UBE3C: variants seen among roughly 807,000 people sequenced by gnomAD.
The protein encoded by UBE3C is ubiquitin protein ligase E3C.
UBE3C carries 42 observed loss-of-function variants against 129.4 expected under a neutral mutation model. The ratio of observed to expected loss-of-function variants is 0.32; its 90% confidence interval spans 0.25 to 0.42. The LOEUF is 0.42. Among genes scored for constraint, UBE3C ranks in the 10% least tolerant of loss-of-function variants. UBE3C has a pLI of 1.00. For synonymous variants in UBE3C, 510 were observed against 492.4 expected (o/e 1.04, Z -0.47); for missense variants, 1,049 against 1,319.1 (o/e 0.80, Z 3.17).
intron 15 of UBE3C, 176 bp from the exon 16 acceptor site, chr7:157,223,078 G>A: frequency 1.6e-6 from 1 of 616,308 alleles, no homozygotes; most frequent in Middle Eastern, 3.1e-4. Flanking sequence ...CTACTGTGCT[G>A]ATCCTGCACT....
At chr7:157,161,893 G>A (rs912630278) in intron 1 of UBE3C, among the ~76,000 whole-genome samples, 7 of 151,814 alleles carry the variant, frequency 4.6e-5, no homozygotes, top group Non-Finnish European at 7.4e-5. Flanking sequence ...CCAATGTGGC[G>A]AAAACCCGTC....
chr7:157,201,550 C>A (rs1544449), intron 10 of UBE3C, among the ~76,000 whole-genome samples, 171 bp from the exon 11 acceptor site: 1,649 of 148,004 alleles, frequency 0.011, 25 homozygotes, highest in South Asian at 0.045. Flanking sequence ...GTCTCGGTGT[C>A]TCATCAAATG....
At chr7:157,212,605 A>AT (rs1440941437) in intron 13 of UBE3C, among the ~76,000 whole-genome samples, 1 of 152,180 alleles carries the variant, frequency 6.6e-6, no homozygotes, top group Non-Finnish European at 1.5e-5. Flanking sequence ...GTCAAGTGTG[A>AT]TTTTTATAAG....
At chr7:157,245,967 CG>C (rs1289094181) in intron 18 of UBE3C, among the ~76,000 whole-genome samples, 2 of 122,134 alleles carry the variant, frequency 1.6e-5, no homozygotes, top group Non-Finnish European at 3.2e-5. Context: ...CACTCCAGCC[CG>C]GGCAACAGAG....
intron 18 of UBE3C, among the ~76,000 whole-genome samples, chr7:157,242,082 A>G (rs1390259825): frequency 1.3e-5 from 2 of 152,228 alleles, no homozygotes; most frequent in African/African-American, 4.8e-5. Context: ...GGCGATGGTC[A>G]TACAACTTTA....
intron 18 of UBE3C, among the ~76,000 whole-genome samples, chr7:157,232,376 C>T (rs896951708): frequency 2.0e-5 from 3 of 151,280 alleles, no homozygotes; most frequent in South Asian, 2.1e-4. Context: ...TTGTTTGAGA[C>T]GGAGTCTCTC....
At chr7:157,196,513 C>T (rs752567734) in intron 10 of UBE3C, among the ~76,000 whole-genome samples, 6 of 152,230 alleles carry the variant, frequency 3.9e-5, no homozygotes, top group South Asian at 2.1e-4. Context: ...CTGGAGAAGA[C>T]GTTCTAGGTT....
chr7:157,196,981 T>G (rs1349904222), intron 10 of UBE3C, among the ~76,000 whole-genome samples: 2 of 152,074 alleles, frequency 1.3e-5, no homozygotes, highest in African/African-American at 4.8e-5. Context: ...AAAAAAAGAA[T>G]TGCTGAACTT....
intron 1 of UBE3C, among the ~76,000 whole-genome samples, chr7:157,152,193 T>TAGTC (rs1001941591): frequency 2.7e-5 from 4 of 147,742 alleles, no homozygotes; most frequent in African/African-American, 5.2e-5. Flanking sequence ...GGGAGGAAGG[T>TAGTC]AGTCAGGGAC....
chr7:157,243,115 G>T (rs576757802), intron 18 of UBE3C, among the ~76,000 whole-genome samples: 1 of 152,162 alleles, frequency 6.6e-6, no homozygotes, highest in South Asian at 2.1e-4. Context: ...TGGCTCGATC[G>T]CTGGAAGCCA....
chr7:157,175,047 TG>T lies in UBE3C; in HGVS notation c.458+14del. On this transcript the variant is annotated intron_variant, in intron 5 of 22. Transcript: ENST00000348165. ...GCCTCTGTTGCAGGTAAAATTCTAT[TG>T]TAAGTCAGTAACGTATATAATGTAT... 1.3e-6 allele frequency: 2 copies of T among 1,598,784 alleles called. No individual in the cohort carries two copies. The highest frequency in any genetic ancestry group is 1.7e-6 in the Non-Finnish European group (2 of 1,169,284).
chr7:157,219,249 A>T lies in UBE3C; in HGVS notation c.1915-1440A>T, dbSNP rs184871377. ...CTTCCTTACTCCAGAAAGTTGTGCG[A>T]TGGGAAAATGTCAGCTGAACCCAGC... is the stretch of plus-strand genomic sequence containing the variant. On this transcript the variant is annotated intron_variant, in intron 14 of 22. Transcript: ENST00000348165. Among the ~76,000 whole-genome samples the T allele has an allele frequency of 6.8e-4, 103 of 152,300 alleles. 1 individual carries two copies. Among genetic ancestry groups the T allele is most frequent in the African/African-American group, 2.3e-3 (96 of 41,556 alleles).
intron 2 of UBE3C, among the ~76,000 whole-genome samples, chr7:157,167,630 C>T (rs375964160): frequency 5.8e-4 from 88 of 152,016 alleles, no homozygotes; most frequent in Non-Finnish European, 9.9e-4. Flanking sequence ...CTCCACCTCC[C>T]GGGTTCACGC....
chr7:157,220,857 T>C (rs1586699215), intron 15 of UBE3C, 81 bp downstream of exon 15: 5 of 1,476,448 alleles, frequency 3.4e-6, no homozygotes, highest in South Asian at 2.5e-5. Flanking sequence ...AGATCTGTTA[T>C]TTTTCATAAA....
At chr7:157,217,592 T>C (rs1276621509) in intron 14 of UBE3C, among the ~76,000 whole-genome samples, 1 of 152,054 alleles carries the variant, frequency 6.6e-6, no homozygotes, top group Non-Finnish European at 1.5e-5. Flanking sequence ...ATCCCAGCAC[T>C]TGGGGAAGCC....
chr7:157,231,264 T>C lies in UBE3C; in HGVS notation c.2418T>C (p.Ala806=). The change falls in exon 18 of 23, where the codon GCT becomes GCC. Residue 806 remains alanine (A), a synonymous_variant. Transcript: ENST00000348165. Reference sequence around the variant, plus strand: ...GGCTTCTGTACCCCAACCCGGCTGCTCAGATGCTTGTGGGAGATTCTTTTG... The same window carrying C: ...GGCTTCTGTACCCCAACCCGGCTGCCCAGATGCTTGTGGGAGATTCTTTTG... ...NEGLLYPNPA[A]QMLVGDSFAR... is the part of the protein sequence containing the mutation. 1.9e-6 allele frequency: 3 copies of C among 1,614,196 alleles called. No individual in the cohort carries two copies. Among genetic ancestry groups the C allele is most frequent in the Non-Finnish European group, 2.5e-6 (3 of 1,180,034 alleles).
chr7:157,191,461 T>C (rs914754583), intron 10 of UBE3C, among the ~76,000 whole-genome samples: 1 of 152,164 alleles, frequency 6.6e-6, no homozygotes, highest in African/African-American at 2.4e-5. Context: ...GGCTAATTTT[T>C]TGTAATTTTT....
chr7:157,242,538 A>T (rs796987333), intron 18 of UBE3C, among the ~76,000 whole-genome samples: 1,329 of 44,808 alleles, frequency 0.03, 15 homozygotes, highest in African/African-American at 0.091. Flanking sequence ...TTTTTTTTTT[A>T]AATTCCTACT....
At chr7:157,170,117 GTT>G (rs146750630) in intron 3 of UBE3C, among the ~76,000 whole-genome samples, 185 bp from the exon 4 acceptor site, 45 of 134,842 alleles carry the variant, frequency 3.3e-4, no homozygotes, top group African/African-American at 1.0e-3. Context: ...ACCATGCCTG[GTT>G]TTTTTTTTTT....
Sources: gnomAD v4.1 joint callset for allele counts (sites outside exome capture counted in the v4.1 genomes callset) on GRCh38, gnomAD v4.1.1 for gene constraint, MANE v1.5 for transcripts, NCBI Gene and HGNC (gene_info 2026-07-23, HGNC 2026-07-21) for gene names.